DIP2B: variants seen among roughly 807,000 people sequenced by gnomAD.
The protein encoded by DIP2B is DIP2 acetate--CoA ligase B (putative).
A neutral mutation model predicts 198.0 loss-of-function variants in DIP2B; 76 were observed. The observed-to-expected ratio is 0.38, with a 90% CI of 0.32 to 0.46. The LOEUF is 0.46. Among genes scored for constraint, DIP2B ranks in the 20% least tolerant of loss-of-function variants. The probability of loss-of-function intolerance (pLI) is 0.99; values close to 1 mark genes in which losing one functional copy is unlikely to be tolerated. For synonymous variants in DIP2B, 701 were observed against 739.1 expected, an observed-to-expected ratio of 0.95 and a Z score of 0.84; for missense variants, 1,559 against 1,978.4, an observed-to-expected ratio of 0.79 and a Z score of 4.02.
At position 50,706,466 on chromosome 12, in the gene DIP2B, G is replaced by A. The variant is rs563485971; in HGVS notation, c.2407-72G>A. 32 of 1,530,398 alleles carry A rather than the reference G, an allele frequency of 2.1e-5. No homozygotes were observed. The African/African-American group carries it at 4.3e-4, about 20-fold the overall frequency. The allele number at this position is 1,530,398 out of a possible 1,614,324, so 94.8% of individuals were successfully genotyped here. A position where few individuals can be genotyped will look rare whatever the true frequency, so the allele number is the denominator to read the frequency against. ...CTTTTTAAATGAGATTTATTTAAAG[G>A]CAGGAAGTTAAAAGATGTCTGTTTT... On this transcript the variant is annotated intron_variant, in intron 20 of 37. Transcript: ENST00000301180.
At chr12:50,585,731 C>G (rs542947104) in intron 1 of DIP2B, among the ~76,000 whole-genome samples, 1 of 152,104 alleles carries the variant, frequency 6.6e-6, no homozygotes, top group Admixed American at 6.6e-5. Context: ...AAGGTATAGA[C>G]GTGATCTAAT....
Position 50,695,966 on chromosome 12 carries a change from C to T in DIP2B, c.1932C>T (p.Pro644=), listed in dbSNP as rs865936824. The T allele has an allele frequency of 6.2e-7, 1 of 1,613,926 alleles. No homozygotes were observed. ...TAATTGTGACTGATGGAGCTAACCC[C>T]TGTGAGTATTTCTTCATTGTGGATC... is the stretch of plus-strand genomic sequence containing the variant. ...RMLIVTDGAN[P]WSVSSCDAFL... Residue 644 remains proline (P), a splice_region_variant and synonymous_variant, in exon 16 of 38, where the codon CCC becomes CCT. Coordinates refer to ENST00000301180, the MANE Select transcript of DIP2B (RefSeq NM_173602.3).
intron 1 of DIP2B, among the ~76,000 whole-genome samples, chr12:50,571,780 G>A (rs1291571348): frequency 2.6e-5 from 4 of 151,382 alleles, no homozygotes; most frequent in South Asian, 2.1e-4. Flanking sequence ...TCTCGATCTC[G>A]ATCTCTTGAC....
chr12:50,684,817 C>T (rs140955264), intron 10 of DIP2B, among the ~76,000 whole-genome samples: 65 of 151,824 alleles, frequency 4.3e-4, no homozygotes, highest in African/African-American at 1.4e-3. Flanking sequence ...TCAGCCGGGC[C>T]GCAGTGGCTT....
chr12:50,673,754 C>T (rs1938895699), intron 5 of DIP2B, among the ~76,000 whole-genome samples: 1 of 152,160 alleles, frequency 6.6e-6, no homozygotes, highest in Non-Finnish European at 1.5e-5. Flanking sequence ...CCACTGCATT[C>T]CTGGCTGGGC....
chr12:50,516,958 T>C (rs1423886243), intron 1 of DIP2B, among the ~76,000 whole-genome samples: 1 of 151,364 alleles, frequency 6.6e-6, no homozygotes, highest in Non-Finnish European at 1.5e-5. Context: ...ATCGTGCCAC[T>C]GCACTCCAGC....
chr12:50,526,540 A>G (rs1333666412), intron 1 of DIP2B, among the ~76,000 whole-genome samples: 1 of 148,354 alleles, frequency 6.7e-6, no homozygotes, highest in Non-Finnish European at 1.5e-5. Context: ...AGCTGGAGCC[A>G]CGCCACTGTG....
intron 1 of DIP2B, among the ~76,000 whole-genome samples, chr12:50,611,319 C>T (rs1017892496): frequency 3.3e-5 from 5 of 152,046 alleles, no homozygotes; most frequent in African/African-American, 4.8e-5. Context: ...CTTGTACTAC[C>T]GAAATGCCCT....
intron 37 of DIP2B, 55 bp downstream of exon 37, chr12:50,741,594 A>G (rs1224114446): frequency 6.4e-7 from 1 of 1,567,360 alleles, no homozygotes; most frequent in Non-Finnish European, 8.6e-7. Context: ...CATAATCTCA[A>G]CTGATCTAAT....
At chr12:50,623,437 A>ACACT (rs1308369241) in intron 1 of DIP2B, among the ~76,000 whole-genome samples, 117 of 57,122 alleles carry the variant, frequency 2.0e-3, no homozygotes, top group African/African-American at 8.4e-3. Flanking sequence ...ACACACACAC[A>ACACT]CTCTCTCTCT....
intron 8 of DIP2B, chr12:50,680,277 A>C (rs1939017700): frequency 6.5e-6 from 1 of 153,540 alleles, no homozygotes; most frequent in African/African-American, 2.4e-5. Context: ...AAAAAAAAAA[A>C]AAAAACTTAG....
intron 23 of DIP2B, among the ~76,000 whole-genome samples, chr12:50,717,605 G>C (rs1407391747): frequency 6.6e-6 from 1 of 151,888 alleles, no homozygotes; most frequent in Non-Finnish European, 1.5e-5. Context: ...CTGACCTTGT[G>C]ATCCGCCCGC....
At chr12:50,679,673 T>C (rs1468752679) in intron 8 of DIP2B, 3 of 152,264 alleles carry the variant, frequency 2.0e-5, no homozygotes, top group African/African-American at 7.2e-5. Context: ...TTGTCAAAAT[T>C]GTTTTAACAT....
chr12:50,706,483 G>A, intron 20 of DIP2B, 55 bp from the exon 21 acceptor site: 2 of 1,574,112 alleles, frequency 1.3e-6, no homozygotes, highest in South Asian at 1.1e-5. Context: ...GTTAAAAGAT[G>A]TCTGTTTTAC....
intron 10 of DIP2B, 48 bp from the exon 11 acceptor site, chr12:50,685,785 G>A: frequency 1.3e-6 from 2 of 1,589,428 alleles, no homozygotes; most frequent in Non-Finnish European, 1.7e-6. Flanking sequence ...GGGCATGAGT[G>A]TGCTCACATT....
chr12:50,626,203 T>A (rs576292129), intron 2 of DIP2B, among the ~76,000 whole-genome samples, 156 bp downstream of exon 2: 1 of 152,316 alleles, frequency 6.6e-6, no homozygotes, highest in African/African-American at 2.4e-5. Context: ...AAATGAATCT[T>A]AATGAGCATC....
intron 1 of DIP2B, among the ~76,000 whole-genome samples, chr12:50,540,053 G>GTTTTTTTTTTTTTTTTTTTTTT (rs60978324): frequency 2.0e-4 from 9 of 44,162 alleles, no homozygotes; most frequent in East Asian, 1.9e-3. Context: ...TTGTTTCTGT[G>GTTTTTTTTTTTTTTTTTTTTTT]TTTTTTTTTT....
At chr12:50,532,768 A>C (rs941129977) in intron 1 of DIP2B, among the ~76,000 whole-genome samples, 1 of 152,124 alleles carries the variant, frequency 6.6e-6, no homozygotes, top group Non-Finnish European at 1.5e-5. Context: ...GAGTGTGGGT[A>C]ACCCCCTTTC....
chr12:50,546,683 A>G (rs972525803), intron 1 of DIP2B, among the ~76,000 whole-genome samples: 9 of 152,230 alleles, frequency 5.9e-5, no homozygotes, highest in Admixed American at 1.3e-4. Flanking sequence ...CAGATAGATA[A>G]TAGGTGCCCA....
Sources: gnomAD v4.1 joint callset for allele counts (sites outside exome capture counted in the v4.1 genomes callset) on GRCh38, gnomAD v4.1.1 for gene constraint, MANE v1.5 for transcripts, NCBI Gene and HGNC (gene_info 2026-07-23, HGNC 2026-07-21) for gene names.